Variants in CAMK1D observed in about 807,000 individuals in gnomAD.
CAMK1D encodes calcium/calmodulin-dependent protein kinase type 1D.
In CAMK1D, 9 loss-of-function variants were observed where a neutral mutation model predicts 47.7. That is an observed-to-expected ratio of 0.19 (90% CI 0.11 to 0.33). The LOEUF (loss-of-function observed/expected upper bound fraction) is 0.33, where lower values mean the gene tolerates loss of function less well. Ranked by LOEUF, CAMK1D falls within the 10% of genes least tolerant of loss-of-function variation. The pLI is 1.00. For missense variants in CAMK1D, 291 were observed against 488.7 expected (o/e 0.60, Z 3.81); for synonymous variants, 184 against 184.9 (o/e 0.99, Z 0.04).
chr10:12,470,769 C>A (rs1000833238), intron 1 of CAMK1D, among the ~76,000 whole-genome samples: 1 of 152,096 alleles, frequency 6.6e-6, no homozygotes, highest in East Asian at 1.9e-4. Flanking sequence ...CACCCACCTC[C>A]GGCTCCCAAA....
chr10:12,578,336 T>A (rs1273844498), intron 2 of CAMK1D, among the ~76,000 whole-genome samples: 1 of 152,030 alleles, frequency 6.6e-6, no homozygotes, highest in Non-Finnish European at 1.5e-5. Flanking sequence ...TTGGGGAGGC[T>A]TAGGCGGATG....
intron 1 of CAMK1D, among the ~76,000 whole-genome samples, chr10:12,385,322 T>G (rs1033593004): frequency 3.3e-4 from 51 of 152,346 alleles, no homozygotes; most frequent in Admixed American, 1.6e-3. Flanking sequence ...GTGTTATTGA[T>G]GTAGCCAAAG....
chr10:12,710,426 A>C (rs545186941), intron 3 of CAMK1D, among the ~76,000 whole-genome samples: 19 of 152,240 alleles, frequency 1.2e-4, no homozygotes, highest in African/African-American at 4.6e-4. Context: ...GACATGAGCT[A>C]TGGAAAATAT....
intron 1 of CAMK1D, chr10:12,456,741 T>C (rs1485285863): frequency 8.1e-6 from 1 of 124,198 alleles, no homozygotes; most frequent in African/African-American, 3.2e-5. Context: ...CAGTCCAGCC[T>C]CGGTGACAGA....
intron 1 of CAMK1D, among the ~76,000 whole-genome samples, chr10:12,527,352 T>TTTTTG (rs1265689761): frequency 1.4e-5 from 2 of 138,790 alleles, no homozygotes; most frequent in African/African-American, 5.4e-5. Context: ...TTGACTTGCT[T>TTTTTG]TTTTTTTTTT....
At chr10:12,365,213 C>G (rs1315397469) in intron 1 of CAMK1D, among the ~76,000 whole-genome samples, 1 of 152,090 alleles carries the variant, frequency 6.6e-6, no homozygotes, top group African/African-American at 2.4e-5. Flanking sequence ...ACCTTAGCCT[C>G]CCAAAGTTCT....
Position 12,400,734 on chromosome 10 carries a change from A to G in CAMK1D, c.92+50824A>G, listed in dbSNP as rs993972786. On this transcript the variant is annotated intron_variant, in intron 1 of 10. Coordinates refer to ENST00000619168, the MANE Select transcript of CAMK1D (RefSeq NM_153498.4). ...ATGTTTTCACAGATGGAGACTTACAACTGTACCAGAGTGTGACGTAGGCCT... is the reference window on the plus strand; with the variant it reads ...ATGTTTTCACAGATGGAGACTTACAGCTGTACCAGAGTGTGACGTAGGCCT... Among the ~76,000 whole-genome samples, 27 of 152,030 alleles carry G rather than the reference A, an allele frequency of 1.8e-4. 1 individual carries two copies. Among genetic ancestry groups the G allele is most frequent in the Middle Eastern group, 6.8e-3 (2 of 294 alleles).
At chr10:12,643,970 A>G (rs1359324986) in intron 2 of CAMK1D, among the ~76,000 whole-genome samples, 2 of 152,154 alleles carry the variant, frequency 1.3e-5, no homozygotes, top group African/African-American at 2.4e-5. Context: ...CAGGAAAACA[A>G]GCTCAGAGCT....
intron 1 of CAMK1D, among the ~76,000 whole-genome samples, chr10:12,385,306 A>C (rs1223272057): frequency 6.6e-6 from 1 of 152,258 alleles, no homozygotes; most frequent in Non-Finnish European, 1.5e-5. Flanking sequence ...ATGAATGTTC[A>C]TGGCAGTGTT....
intron 1 of CAMK1D, among the ~76,000 whole-genome samples, chr10:12,550,849 C>T (rs942098868): frequency 1.3e-5 from 2 of 152,350 alleles, no homozygotes; most frequent in East Asian, 1.9e-4. Context: ...AAGCTTCTCT[C>T]GTGAGCATCC....
chr10:12,532,310 C>G (rs796512110), intron 1 of CAMK1D, among the ~76,000 whole-genome samples: 1 of 149,366 alleles, frequency 6.7e-6, no homozygotes, highest in African/African-American at 2.5e-5. Flanking sequence ...GACGGAGTCT[C>G]GCTCTGTCGC....
intron 2 of CAMK1D, among the ~76,000 whole-genome samples, chr10:12,563,690 A>AGAGAGAGAGAGG (rs1564414460): frequency 1.4e-5 from 1 of 72,232 alleles, no homozygotes; most frequent in African/African-American, 3.7e-5. Context: ...AGAGAGAGAG[A>AGAGAGAGAGAGG]GAGAGAGAGG....
chr10:12,596,646 T>C (rs1021755427), intron 2 of CAMK1D, among the ~76,000 whole-genome samples: 7 of 152,128 alleles, frequency 4.6e-5, no homozygotes, highest in African/African-American at 1.7e-4. Flanking sequence ...TAGGGAGCAG[T>C]AGAGGAGCTT....
intron 2 of CAMK1D, among the ~76,000 whole-genome samples, chr10:12,643,551 C>T (rs955405412): frequency 1.3e-5 from 2 of 152,136 alleles, no homozygotes; most frequent in African/African-American, 2.4e-5. Flanking sequence ...TGATGAACTG[C>T]GCATGCGAGG....
intron 5 of CAMK1D, among the ~76,000 whole-genome samples, chr10:12,777,762 A>G (rs1412633780): frequency 1.3e-5 from 2 of 152,240 alleles, no homozygotes; most frequent in East Asian, 3.9e-4. Context: ...GTACACCAGC[A>G]TGATGTCCAC....
At chr10:12,477,752 G>C (rs537049173) in intron 1 of CAMK1D, among the ~76,000 whole-genome samples, 1 of 152,122 alleles carries the variant, frequency 6.6e-6, no homozygotes, top group Non-Finnish European at 1.5e-5. Flanking sequence ...GAAGGCGGAG[G>C]GAGTGCTCAC....
At chr10:12,548,010 T>G (rs1189637101) in intron 1 of CAMK1D, among the ~76,000 whole-genome samples, 1 of 152,202 alleles carries the variant, frequency 6.6e-6, no homozygotes, top group African/African-American at 2.4e-5. Flanking sequence ...CCCTGTCACC[T>G]GCGGTGCTTG....
chr10:12,427,921 T>C (rs1442064646), intron 1 of CAMK1D, among the ~76,000 whole-genome samples: 1 of 151,622 alleles, frequency 6.6e-6, no homozygotes, highest in Non-Finnish European at 1.5e-5. Flanking sequence ...TTAGCCAGGA[T>C]GGTCTCGATC....
intron 2 of CAMK1D, among the ~76,000 whole-genome samples, chr10:12,651,448 G>A (rs1350548960): frequency 6.6e-6 from 1 of 152,210 alleles, no homozygotes; most frequent in Non-Finnish European, 1.5e-5. Context: ...CTGGAGTGCA[G>A]TGGTGCAGTC....
Sources: allele counts gnomAD v4.1 joint callset (sites outside exome capture counted in the v4.1 genomes callset), GRCh38; gene constraint gnomAD v4.1.1; transcripts MANE v1.5; gene names NCBI Gene and HGNC (gene_info 2026-07-23, HGNC 2026-07-21).